IGF2BP2: variants seen among roughly 807,000 people sequenced by gnomAD.
IGF2BP2 encodes insulin-like growth factor 2 mRNA-binding protein 2.
A neutral mutation model predicts 75.8 loss-of-function variants in IGF2BP2; 17 were observed. That is an observed-to-expected ratio of 0.22 (90% CI 0.15 to 0.34). The LOEUF (loss-of-function observed/expected upper bound fraction) is 0.34. IGF2BP2 is among the 10% of genes least tolerant of loss of function. The pLI, the probability that IGF2BP2 is intolerant of heterozygous loss-of-function variation, is 1.00. For synonymous variants in IGF2BP2, 288 were observed against 295.6 expected (o/e 0.97, Z 0.26); for missense variants, 516 against 772.4 (o/e 0.67, Z 3.93).
intron 2 of IGF2BP2, among the ~76,000 whole-genome samples, chr3:185,814,259 T>G (rs564576115): frequency 1.3e-5 from 2 of 152,338 alleles, no homozygotes; most frequent in African/African-American, 2.4e-5. Flanking sequence ...AGTGTTAAAC[T>G]GCTTTTATCA....
In IGF2BP2 at chr3:185,645,176, T is replaced by G; in HGVS notation, c.*355A>C. Reference sequence around the variant, plus strand: ...ATTTGCCACAGAAAAAGGGTGTGCATTTTGCTTGGCTTTGAACACGTTCAC... The same window carrying G: ...ATTTGCCACAGAAAAAGGGTGTGCAGTTTGCTTGGCTTTGAACACGTTCAC... On this transcript the variant is annotated 3_prime_UTR_variant, in exon 16 of 16. Coordinates refer to ENST00000382199, the MANE Select transcript of IGF2BP2 (RefSeq NM_006548.6). This position sits in a 1 kb window ranked among gnomAD's most constrained non-coding sequence, Gnocchi z 4.9. The G allele has an allele frequency of 7.4e-6, 2 of 271,484 alleles. No homozygotes were observed. Among genetic ancestry groups the G allele is most frequent in the Non-Finnish European group, 7.1e-6 (1 of 141,382 alleles). 16.8% of individuals were successfully genotyped at this position (271,484 alleles called of 1,614,324 possible). A position where few individuals can be genotyped will look rare whatever the true frequency, so the allele number is the denominator to read the frequency against.
chr3:185,747,577 G>A (rs1201952213), intron 2 of IGF2BP2, among the ~76,000 whole-genome samples: 2 of 152,032 alleles, frequency 1.3e-5, no homozygotes, highest in Non-Finnish European at 2.9e-5. Context: ...TACTTGAGAG[G>A]CCGAGGCACA....
intron 2 of IGF2BP2, among the ~76,000 whole-genome samples, chr3:185,800,395 T>A (rs749529376): frequency 2.4e-4 from 36 of 152,004 alleles, no homozygotes; most frequent in Non-Finnish European, 1.2e-4. Flanking sequence ...AACCTGCACA[T>A]TGTGCACATG....
rs887073713 is a variant in IGF2BP2 at position 185,689,411 on chromosome 3, G to A, written c.621C>T (p.Ala207=). 1 of 1,614,068 alleles carries A rather than the reference G, an allele frequency of 6.2e-7. No homozygotes were observed. The highest frequency in any genetic ancestry group is 8.5e-7 in the Non-Finnish European group (1 of 1,180,020). ...RILVPTQFVG[A]IIGKEGLTIK... ...TGGTCAAGCCCTCCTTTCCGATGAT[G>A]GCACCAACAAACTGGGTGGGGACCA... is the stretch of plus-strand genomic sequence containing the variant. Residue 207 remains alanine (A), a synonymous_variant, in exon 6 of 16, where the codon GCC becomes GCT. Transcript: ENST00000382199.
chr3:185,718,684 CAAAAAAAAA>C (rs10699427), intron 2 of IGF2BP2, among the ~76,000 whole-genome samples: 117 of 49,514 alleles, frequency 2.4e-3, no homozygotes, highest in East Asian at 0.013. Context: ...GACTCTGTCT[CAAAAAAAAA>C]AAAAAAAAAA....
chr3:185,751,333 T>A (rs1390094104), intron 2 of IGF2BP2, among the ~76,000 whole-genome samples: 1 of 152,096 alleles, frequency 6.6e-6, no homozygotes, highest in Non-Finnish European at 1.5e-5. Context: ...ATCCCAGCAC[T>A]TTGGGAGGCC....
At chr3:185,808,296 G>A (rs1739325902) in intron 2 of IGF2BP2, among the ~76,000 whole-genome samples, 1 of 148,566 alleles carries the variant, frequency 6.7e-6, no homozygotes, top group Admixed American at 6.7e-5. Context: ...CCAACATGGT[G>A]AAACACTGTC....
chr3:185,771,841 G>A (rs910721797), intron 2 of IGF2BP2, among the ~76,000 whole-genome samples: 2 of 152,046 alleles, frequency 1.3e-5, no homozygotes, highest in Non-Finnish European at 2.9e-5. Context: ...GAAAGGTCTG[G>A]GGTCTATAAC....
intron 1 of IGF2BP2, 87 bp downstream of exon 1, chr3:185,824,696 G>T: frequency 1.9e-6 from 2 of 1,066,848 alleles, no homozygotes; most frequent in Non-Finnish European, 2.4e-6. Flanking sequence ...GCCGCCGGGC[G>T]CCGCCCGCCG....
intron 7 of IGF2BP2, among the ~76,000 whole-genome samples, chr3:185,680,210 TG>T (rs1720168943): frequency 1.3e-5 from 2 of 152,012 alleles, no homozygotes; most frequent in African/African-American, 4.8e-5. Context: ...CTAGAAGAAA[TG>T]GACCAATTTC....
intron 2 of IGF2BP2, among the ~76,000 whole-genome samples, chr3:185,751,148 G>A (rs1410175900): frequency 6.6e-6 from 1 of 152,236 alleles, no homozygotes; most frequent in South Asian, 2.1e-4. Context: ...AGGAGGCAGA[G>A]GTTGCAGTGA....
At chr3:185,765,493 C>T (rs1732916112) in intron 2 of IGF2BP2, among the ~76,000 whole-genome samples, 1 of 151,748 alleles carries the variant, frequency 6.6e-6, no homozygotes, top group Admixed American at 6.6e-5. Flanking sequence ...TGATCCCACA[C>T]TGCCCTCCTT....
chr3:185,752,276 C>T (rs530510145), intron 2 of IGF2BP2, among the ~76,000 whole-genome samples: 7 of 152,284 alleles, frequency 4.6e-5, no homozygotes, highest in Admixed American at 3.9e-4. Context: ...TGTGCAGGAA[C>T]AGGCCATTGC....
intron 10 of IGF2BP2, among the ~76,000 whole-genome samples, chr3:185,663,458 G>C (rs77637892): frequency 6.6e-6 from 1 of 152,114 alleles, no homozygotes; most frequent in Non-Finnish European, 1.5e-5. Flanking sequence ...TGACTCTTCT[G>C]GGGGGTAGGT....
intron 2 of IGF2BP2, among the ~76,000 whole-genome samples, chr3:185,701,493 G>A (rs973683265): frequency 2.1e-4 from 32 of 151,944 alleles, no homozygotes; most frequent in African/African-American, 7.0e-4. Context: ...AGTAAAAGTC[G>A]TTTCTCATCC....
chr3:185,651,187 A>G (rs1714541034), intron 13 of IGF2BP2, among the ~76,000 whole-genome samples: 1 of 152,158 alleles, frequency 6.6e-6, no homozygotes, highest in Non-Finnish European at 1.5e-5. Context: ...TTGGGATTAC[A>G]GGAATGAGCC....
chr3:185,691,831 C>T (rs1721991100), intron 5 of IGF2BP2, among the ~76,000 whole-genome samples: 1 of 151,974 alleles, frequency 6.6e-6, no homozygotes, highest in African/African-American at 2.4e-5. Context: ...CCATCCTGGG[C>T]TCAAGTGATC....
At chr3:185,801,524 A>C (rs1379117067) in intron 2 of IGF2BP2, among the ~76,000 whole-genome samples, 1 of 151,586 alleles carries the variant, frequency 6.6e-6, no homozygotes, top group African/African-American at 2.4e-5. Context: ...AGGAAACAAC[A>C]GATGCTGGCG....
At chr3:185,702,400 C>T (rs1019605146) in intron 2 of IGF2BP2, among the ~76,000 whole-genome samples, 27 of 152,040 alleles carry the variant, frequency 1.8e-4, no homozygotes, top group African/African-American at 5.6e-4. Context: ...ATGAGAGTAT[C>T]GATCTTTCTC....
Sources: allele counts gnomAD v4.1 joint callset (sites outside exome capture counted in the v4.1 genomes callset), GRCh38; gene constraint gnomAD v4.1.1; non-coding constraint Gnocchi (gnomAD v3.1); transcripts MANE v1.5; gene names NCBI Gene and HGNC (gene_info 2026-07-23, HGNC 2026-07-21).